EPN2: variants seen among roughly 807,000 people sequenced by gnomAD.
EPN2 encodes epsin-2.
A neutral mutation model predicts 61.7 loss-of-function variants in EPN2; 34 were observed. The ratio of observed to expected loss-of-function variants is 0.55; its 90% CI spans 0.42 to 0.73. The LOEUF is 0.73. Ranked by LOEUF, EPN2 falls within the 30% of genes least tolerant of loss-of-function variation. The probability of loss-of-function intolerance (pLI) is 0.00; values close to 1 mark genes in which losing one functional copy is unlikely to be tolerated. For missense variants in EPN2, 714 were observed against 839.2 expected, an observed-to-expected ratio of 0.85 and a Z score of 1.84; for synonymous variants, 349 against 353.6, an observed-to-expected ratio of 0.99 and a Z score of 0.15.
intron 5 of EPN2, among the ~76,000 whole-genome samples, chr17:19,311,471 G>T (rs1424443837): frequency 1.3e-5 from 2 of 151,504 alleles, no homozygotes; most frequent in African/African-American, 2.4e-5. Flanking sequence ...AACAAGAAAA[G>T]AAAAAATACA....
intron 4 of EPN2, among the ~76,000 whole-genome samples, chr17:19,307,076 C>G (rs891774931): frequency 1.3e-5 from 2 of 152,108 alleles, no homozygotes; most frequent in African/African-American, 4.8e-5. Context: ...AAAGCCCAAA[C>G]TTGAGAGTTC....
chr17:19,262,619 T>G (rs1002923006), intron 1 of EPN2, among the ~76,000 whole-genome samples: 2 of 151,336 alleles, frequency 1.3e-5, no homozygotes, highest in African/African-American at 4.8e-5. Context: ...CATTAAGCAG[T>G]CATTTCCCCT....
intron 1 of EPN2, among the ~76,000 whole-genome samples, chr17:19,266,412 T>A (rs1430108765): frequency 1.3e-5 from 2 of 151,390 alleles, no homozygotes; most frequent in Non-Finnish European, 3.0e-5. Flanking sequence ...TTTATTTTTT[T>A]TTTTTTTTGA....
intron 4 of EPN2, among the ~76,000 whole-genome samples, chr17:19,296,028 T>C (rs539678700): frequency 6.6e-6 from 1 of 152,314 alleles, no homozygotes; most frequent in African/African-American, 2.4e-5. Context: ...TCCTGCTGAC[T>C]GCTAATGGAA....
intron 4 of EPN2, among the ~76,000 whole-genome samples, chr17:19,297,933 G>A (rs1567859274): frequency 6.6e-6 from 1 of 152,168 alleles, no homozygotes; most frequent in Non-Finnish European, 1.5e-5. Context: ...CTGTCACCCA[G>A]TGGCACGATC....
In EPN2 at chr17:19,299,628, C is replaced by A. The variant is rs553292086; in HGVS notation, c.767-10257C>A. On this transcript the variant is annotated intron_variant, in intron 4 of 10. Transcript: ENST00000314728. Reference sequence around the variant, plus strand: ...CTTTCCCACCCAACAAGCTGGTGCTCTTACTGTAGGAGAGAGTTTAATAAC... The same window carrying A: ...CTTTCCCACCCAACAAGCTGGTGCTATTACTGTAGGAGAGAGTTTAATAAC... 9.8e-5 allele frequency among the ~76,000 whole-genome samples: 15 copies of A among 152,348 alleles called. No homozygotes were observed. The South Asian group carries it at 2.9e-3, about 29-fold the overall frequency.
Position 19,314,263 on chromosome 17 carries a change from A to C in EPN2, c.1147+984A>C, listed in dbSNP as rs1186988485. Among the ~76,000 whole-genome samples the C allele has an allele frequency of 2.0e-5, 3 of 152,112 alleles. No individual in the cohort carries two copies. The East Asian group carries it at 5.8e-4, about 29-fold the overall frequency. ...GCAGTACTGTGTAGTCCAGGACTCG[A>C]TGGAGGTTATTTGAGAGCATCCTGG... On this transcript the variant is annotated intron_variant, in intron 7 of 10. Transcript: ENST00000314728.
chr17:19,243,382 T>C (rs959098457), intron 1 of EPN2, among the ~76,000 whole-genome samples: 11 of 135,418 alleles, frequency 8.1e-5, no homozygotes, highest in African/African-American at 2.3e-4. Flanking sequence ...CATGCCTGGC[T>C]AATTTTTTTT....
At position 19,285,828 on chromosome 17, in the gene EPN2, C is replaced by CT; in HGVS notation, c.766+39dup. The CT allele has an allele frequency of 1.3e-6, 2 of 1,513,730 alleles. No homozygotes were observed. The highest frequency in any genetic ancestry group is 1.8e-6 in the Non-Finnish European group (2 of 1,123,296). 93.8% of individuals were successfully genotyped at this position (1,513,730 alleles called of 1,614,324 possible). On this transcript the variant is annotated intron_variant, in intron 4 of 10. Transcript: ENST00000314728. The surrounding 1 kb of genome is among the most constrained non-coding windows in gnomAD (Gnocchi z 4.5). ...TTTGCTTTTTTCCTTACTAGAAATGCTGGGCAGCTTGCTGGGGGTGTGCTT... is the reference window on the plus strand; with the variant it reads ...TTTGCTTTTTTCCTTACTAGAAATGCTTGGGCAGCTTGCTGGGGGTGTGCTT...
At chr17:19,289,813 GC>G (rs1165999031) in intron 4 of EPN2, among the ~76,000 whole-genome samples, 1 of 134,736 alleles carries the variant, frequency 7.4e-6, no homozygotes, top group Non-Finnish European at 1.6e-5. Context: ...TGCAACCTCC[GC>G]CTAGCTGGCT....
intron 1 of EPN2, among the ~76,000 whole-genome samples, chr17:19,259,803 C>T (rs986390724): frequency 4.6e-5 from 7 of 152,324 alleles, no homozygotes; most frequent in Middle Eastern, 3.4e-3. Flanking sequence ...AGCGACCCCT[C>T]GCTCCTAAAT....
chr17:19,266,764 G>A (rs577148804), intron 1 of EPN2, among the ~76,000 whole-genome samples: 46 of 151,966 alleles, frequency 3.0e-4, no homozygotes, highest in Non-Finnish European at 5.4e-4. Flanking sequence ...AAAAAAATTA[G>A]TAACAACCCA....
chr17:19,325,490 T>C (rs1347759839), intron 7 of EPN2, among the ~76,000 whole-genome samples: 1 of 152,240 alleles, frequency 6.6e-6, no homozygotes, highest in Non-Finnish European at 1.5e-5. Flanking sequence ...CATGTGGTCA[T>C]CTTAGAGGCA....
chr17:19,286,853 GAATGTA>G (rs1239081545), intron 4 of EPN2, among the ~76,000 whole-genome samples: 1 of 152,210 alleles, frequency 6.6e-6, no homozygotes, highest in Admixed American at 6.5e-5. Flanking sequence ...GCACTGTAAA[GAATGTA>G]AATGATAAAA....
At chr17:19,321,253 C>T (rs529715717) in intron 7 of EPN2, among the ~76,000 whole-genome samples, 1 of 152,284 alleles carries the variant, frequency 6.6e-6, no homozygotes, top group South Asian at 2.1e-4. Flanking sequence ...ACCACCAACA[C>T]TCAGACCCCC....
Position 19,328,743 on chromosome 17 carries a change from G to C in EPN2, c.1180G>C (p.Gly394Arg), listed in dbSNP as rs2152239388. 4 of 1,612,856 alleles carry C rather than the reference G, an allele frequency of 2.5e-6. No homozygotes were observed. The highest frequency in any genetic ancestry group is 3.4e-6 in the Non-Finnish European group (4 of 1,179,318). ...TKPAASIDPW[G>R]VPTGATVQSV... ...GCCAGCTGCCTCCATTGACCCATGG[G>C]GGGTGCCCACTGGAGCCACCGTACA... Residue 394 changes from glycine to arginine, a missense_variant, in exon 8 of 11, where the codon GGG becomes CGG. This residue lies in a region of EPN2 where 410 missense variants were observed against 421.8 expected (regional missense o/e 0.97). Transcript: ENST00000314728.
intron 1 of EPN2, among the ~76,000 whole-genome samples, chr17:19,237,739 A>G (rs1301867979): frequency 1.3e-5 from 2 of 151,812 alleles, no homozygotes; most frequent in Admixed American, 6.6e-5. Flanking sequence ...CACGGACTGG[A>G]GCATGGCCCC....
rs185312902 is a variant in EPN2 at position 19,334,830 on chromosome 17, C to T, written c.*576C>T. Reference sequence around the variant, plus strand: ...AAACTAATCTGAGCATAACCCCCAACGTGGCTCTATGCTTGTGTACCTTTG... The same window carrying T: ...AAACTAATCTGAGCATAACCCCCAATGTGGCTCTATGCTTGTGTACCTTTG... On this transcript the variant is annotated 3_prime_UTR_variant, in exon 11 of 11. Transcript: ENST00000314728. The surrounding 1 kb of genome is among the most constrained non-coding windows in gnomAD (Gnocchi z 4.9). The T allele has an allele frequency of 1.4e-3, 207 of 153,182 alleles. No individual in the cohort carries two copies. The highest frequency in any genetic ancestry group is 4.8e-3 in the African/African-American group (198 of 41,588). 9.5% of individuals were successfully genotyped at this position (153,182 alleles called of 1,614,324 possible).
At chr17:19,312,472 G>A (rs79670545) in intron 6 of EPN2, among the ~76,000 whole-genome samples, 1 of 152,344 alleles carries the variant, frequency 6.6e-6, no homozygotes, top group Admixed American at 6.5e-5. Flanking sequence ...CTGCAGCAGG[G>A]TGTGCCCCCA....
Sources: allele counts gnomAD v4.1 joint callset (sites outside exome capture counted in the v4.1 genomes callset), GRCh38; gene constraint gnomAD v4.1.1; regional missense constraint gnomAD v4.1.1; non-coding constraint Gnocchi (gnomAD v3.1); transcripts MANE v1.5; gene names NCBI Gene and HGNC (gene_info 2026-07-23, HGNC 2026-07-21).